The following MFHAS1 variants were observed in gnomAD, a reference collection of about 807,000 sequenced individuals.
The protein encoded by MFHAS1 is multifunctional ROCO family signaling regulator 1, also known as malignant fibrous histiocytoma-amplified sequence 1.
In MFHAS1, 50 loss-of-function variants were observed where a neutral mutation model predicts 70.4. The ratio of observed to expected loss-of-function variants is 0.71; its 90% CI spans 0.57 to 0.90. The LOEUF (loss-of-function observed/expected upper bound fraction) is 0.90, where lower values mean the gene tolerates loss of function less well. MFHAS1 is among the 40% of genes least tolerant of loss of function. The pLI is 0.00. For missense variants in MFHAS1, 1,795 were observed against 1,347.6 expected (o/e 1.33, Z -5.20); for synonymous variants, 952 against 620.0 (o/e 1.54, Z -7.96).
chr8:8,815,829 A>C (rs574718095), intron 1 of MFHAS1, among the ~76,000 whole-genome samples: 2 of 152,338 alleles, frequency 1.3e-5, no homozygotes, highest in South Asian at 4.1e-4. Context: ...AACAAAGCAT[A>C]TATCCATACA....
chr8:8,876,482 C>T (rs1809297159), intron 1 of MFHAS1, among the ~76,000 whole-genome samples: 1 of 152,058 alleles, frequency 6.6e-6, no homozygotes, highest in African/African-American at 2.4e-5. Context: ...TGCCTATAAT[C>T]CCAGCACTTT....
At chr8:8,795,544 A>T (rs1240697106) in intron 2 of MFHAS1, among the ~76,000 whole-genome samples, 3 of 152,254 alleles carry the variant, frequency 2.0e-5, no homozygotes, top group Non-Finnish European at 4.4e-5. Context: ...ATTAGATAAC[A>T]GTTTCCCTTG....
chr8:8,819,961 G>T (rs1401814938), intron 1 of MFHAS1, among the ~76,000 whole-genome samples: 1 of 152,142 alleles, frequency 6.6e-6, no homozygotes, highest in Non-Finnish European at 1.5e-5. Flanking sequence ...GCCTCCCAAA[G>T]TGTTGGGACT....
chr8:8,823,224 G>A (rs958493648), intron 1 of MFHAS1, among the ~76,000 whole-genome samples: 2 of 152,312 alleles, frequency 1.3e-5, no homozygotes, highest in Admixed American at 1.3e-4. Flanking sequence ...AACTGTAAAT[G>A]TTTATTTGCA....
At chr8:8,839,730 C>T (rs1807732360) in intron 1 of MFHAS1, among the ~76,000 whole-genome samples, 2 of 152,188 alleles carry the variant, frequency 1.3e-5, no homozygotes, top group Admixed American at 6.5e-5. Flanking sequence ...TTATTGATTA[C>T]ATATATCAAT....
At chr8:8,817,278 C>G (rs1248873663) in intron 1 of MFHAS1, among the ~76,000 whole-genome samples, 1 of 151,910 alleles carries the variant, frequency 6.6e-6, no homozygotes, top group Non-Finnish European at 1.5e-5. Context: ...AAAAAAAAAG[C>G]ACTTGATTTC....
rs540300436 is a variant in MFHAS1 at position 8,789,965 on chromosome 8, C to T, written c.3126-3910G>A. Among the ~76,000 whole-genome samples, 13 of 152,282 alleles carry T rather than the reference C, an allele frequency of 8.5e-5. No homozygotes were observed. In the East Asian group the frequency reaches 2.5e-3, roughly 29 times the overall value. On this transcript the variant is annotated intron_variant, in intron 2 of 2. Coordinates refer to ENST00000276282, the MANE Select transcript of MFHAS1 (RefSeq NM_004225.3). ...CTCTCCCCTCCTGCCCCCAGTCCCTCCCTTTCCCTACTTGTGACCATCCCG... is the reference window on the plus strand; with the variant it reads ...CTCTCCCCTCCTGCCCCCAGTCCCTTCCTTTCCCTACTTGTGACCATCCCG...
intron 1 of MFHAS1, among the ~76,000 whole-genome samples, chr8:8,839,607 G>C (rs1426953260): frequency 6.6e-6 from 1 of 152,122 alleles, no homozygotes; most frequent in East Asian, 1.9e-4. Flanking sequence ...TCATAAGCTT[G>C]CTCTGCAGAT....
intron 1 of MFHAS1, among the ~76,000 whole-genome samples, chr8:8,873,333 T>A (rs752634340): frequency 4.6e-5 from 7 of 152,132 alleles, no homozygotes; most frequent in African/African-American, 1.4e-4. Flanking sequence ...AATGAAGGAT[T>A]TTAAAGACCA....
chr8:8,843,342 G>A (rs1330805341), intron 1 of MFHAS1, among the ~76,000 whole-genome samples: 1 of 151,586 alleles, frequency 6.6e-6, no homozygotes, highest in African/African-American at 2.4e-5. Context: ...CCAACATTTC[G>A]GGAGGCTCAG....
chr8:8,887,047 A>T lies in MFHAS1; in HGVS notation c.2998+3014T>A, dbSNP rs149760157. The stretch of plus-strand genomic sequence containing the variant: ...GAGGCTGAGGCAGGAGAATCGCTTG[A>T]ATCCAGGAGGCAGAGGTTGCAGTGA... On this transcript the variant is annotated intron_variant, in intron 1 of 2. Coordinates refer to ENST00000276282, the MANE Select transcript of MFHAS1 (RefSeq NM_004225.3). Among the ~76,000 whole-genome samples, 542 of 152,268 alleles carry T rather than the reference A, an allele frequency of 3.6e-3. 7 individuals carry two copies. Among genetic ancestry groups the T allele is most frequent in the African/African-American group, 0.013 (527 of 41,540 alleles).
At chr8:8,790,119 T>C (rs1469373402) in intron 2 of MFHAS1, among the ~76,000 whole-genome samples, 1 of 152,208 alleles carries the variant, frequency 6.6e-6, no homozygotes, top group Non-Finnish European at 1.5e-5. Flanking sequence ...TGCAATATCA[T>C]AGTAAATTAA....
intron 1 of MFHAS1, among the ~76,000 whole-genome samples, chr8:8,836,027 C>T (rs996897263): frequency 1.3e-5 from 2 of 152,174 alleles, no homozygotes; most frequent in Admixed American, 6.5e-5. Context: ...CTATCTAGCC[C>T]TTCAAAGAAA....
intron 1 of MFHAS1, among the ~76,000 whole-genome samples, chr8:8,820,419 C>T (rs1424530700): frequency 1.3e-5 from 2 of 152,156 alleles, no homozygotes; most frequent in East Asian, 3.9e-4. Context: ...AGCATAACTG[C>T]AACATTCTCT....
At chr8:8,872,078 G>A (rs920539110) in intron 1 of MFHAS1, among the ~76,000 whole-genome samples, 4 of 152,174 alleles carry the variant, frequency 2.6e-5, no homozygotes, top group African/African-American at 4.8e-5. Flanking sequence ...AAACATGCCC[G>A]GATGGCAAGC....
intron 2 of MFHAS1, among the ~76,000 whole-genome samples, chr8:8,792,161 CA>C (rs1483522902): frequency 2.0e-4 from 31 of 151,250 alleles, no homozygotes; most frequent in African/African-American, 7.1e-4. Context: ...CATTTGAACC[CA>C]GGGGGCAGAG....
intron 2 of MFHAS1, among the ~76,000 whole-genome samples, chr8:8,791,125 GTTTT>G (rs34714915): frequency 0.064 from 8,460 of 132,568 alleles, 220 homozygotes; most frequent in Middle Eastern, 0.11. Context: ...CACCCCACCC[GTTTT>G]TTTTTTTTTT....
intron 1 of MFHAS1, among the ~76,000 whole-genome samples, chr8:8,871,174 C>T (rs772557397): frequency 3.9e-5 from 6 of 152,126 alleles, no homozygotes; most frequent in Non-Finnish European, 8.8e-5. Flanking sequence ...ATGACTTAGC[C>T]CTCCTCTGTC....
At chr8:8,830,288 A>G (rs2117321762) in intron 1 of MFHAS1, among the ~76,000 whole-genome samples, 1 of 152,320 alleles carries the variant, frequency 6.6e-6, no homozygotes, top group East Asian at 1.9e-4. Flanking sequence ...GTCTGGTTCT[A>G]TCTATATCAG....
Sources: allele counts gnomAD v4.1 joint callset (sites outside exome capture counted in the v4.1 genomes callset), GRCh38; gene constraint gnomAD v4.1.1; transcripts MANE v1.5; gene names NCBI Gene and HGNC (gene_info 2026-07-23, HGNC 2026-07-21).